The following SCFD1 variants were observed in gnomAD, a reference collection of about 807,000 sequenced individuals.
SCFD1 encodes sec1 family domain containing 1.
Under a neutral mutation model 103.2 loss-of-function variants are expected in SCFD1, and 37 were observed. The ratio of observed to expected loss-of-function variants is 0.36; its 90% CI spans 0.28 to 0.47. The LOEUF is 0.47. Ranked by LOEUF, SCFD1 falls within the 20% of genes least tolerant of loss-of-function variation. The probability of loss-of-function intolerance (pLI) is 1.00; values close to 1 mark genes in which losing one functional copy is unlikely to be tolerated. For missense variants in SCFD1, 639 were observed against 761.2 expected (o/e 0.84, Z 1.89); for synonymous variants, 264 against 245.0 (o/e 1.08, Z -0.73).
At chr14:30,662,836 C>T (rs1326039783) in intron 10 of SCFD1, among the ~76,000 whole-genome samples, 1 of 152,160 alleles carries the variant, frequency 6.6e-6, no homozygotes, top group East Asian at 1.9e-4. Flanking sequence ...CTGCTGAAGG[C>T]TTCTACATGT....
chr14:30,643,190 C>A (rs373553790), intron 6 of SCFD1, 126 bp from the exon 7 acceptor site: 5 of 736,976 alleles, frequency 6.8e-6, no homozygotes, highest in East Asian at 2.7e-5. Context: ...AAAATTTAAA[C>A]CAAAAAATTT....
intron 11 of SCFD1, among the ~76,000 whole-genome samples, chr14:30,671,137 A>G (rs1888501903): frequency 6.6e-6 from 1 of 152,136 alleles, no homozygotes. Context: ...GCTTATATTT[A>G]TTGTTTAAAG....
rs915754485 is a variant in SCFD1 at position 30,670,343 on chromosome 14, A to T, written c.943A>T (p.Lys315Ter). 1 of 1,593,608 alleles carries T rather than the reference A, an allele frequency of 6.3e-7. No homozygotes were observed. The highest frequency in any genetic ancestry group is 1.4e-5 in the African/African-American group (1 of 73,638). ...TGCTAGACCAAAGAGAAAAAACAAG[A>T]AGTCTTATGATTTAACTCCGGTTGA... ...AGARPKRKNK[K>*]SYDLTPVDKF... Residue 315 changes from lysine (K) to a stop codon, truncating the protein, a stop_gained, in exon 11 of 25, where the codon AAG (lysine) becomes TAG (stop). Coordinates refer to ENST00000458591, the MANE Select transcript of SCFD1 (RefSeq NM_016106.4). LOFTEE classifies it high-confidence loss of function.
Position 30,694,923 on chromosome 14 carries a change from A to G in SCFD1, c.1339+54A>G, listed in dbSNP as rs980414838. ...AAGTTTCATATCTGACGAAAGCAGC[A>G]TTTTCAATTGAGTAAACTTTGAATA... On this transcript the variant is annotated intron_variant, in intron 15 of 24. Transcript: ENST00000458591. 5.8e-6 allele frequency: 9 copies of G among 1,548,538 alleles called. No homozygotes were observed. The African/African-American group carries it at 1.1e-4, about 19-fold the overall frequency.
chr14:30,634,470 A>T (rs1449795745), intron 4 of SCFD1, among the ~76,000 whole-genome samples: 1 of 152,154 alleles, frequency 6.6e-6, no homozygotes, highest in Non-Finnish European at 1.5e-5. Context: ...TTTTATCATA[A>T]ATATGTATGT....
intron 16 of SCFD1, among the ~76,000 whole-genome samples, chr14:30,700,627 T>A (rs1452443807): frequency 1.3e-5 from 2 of 152,034 alleles, no homozygotes. Context: ...TGAGCCAAGA[T>A]CATGCCACTG....
chr14:30,695,241 A>G (rs1890611559), intron 15 of SCFD1, among the ~76,000 whole-genome samples: 1 of 152,216 alleles, frequency 6.6e-6, no homozygotes, highest in South Asian at 2.1e-4. Flanking sequence ...ATTTCCTGAA[A>G]AGATGTATCT....
intron 17 of SCFD1, 110 bp from the exon 18 acceptor site, chr14:30,705,713 A>G: frequency 4.0e-6 from 3 of 755,746 alleles, no homozygotes; most frequent in Non-Finnish European, 4.5e-6. Context: ...CTCTTTTCAG[A>G]AAATGTCTGC....
intron 1 of SCFD1, among the ~76,000 whole-genome samples, chr14:30,623,614 A>G (rs1356101876): frequency 6.6e-6 from 1 of 152,246 alleles, no homozygotes; most frequent in African/African-American, 2.4e-5. Context: ...ATATTAAAAT[A>G]ACGTGTCAGT....
rs185529126 is a variant in SCFD1, at chr14:30,735,509, G to A, written c.1906-77G>A. The A allele has an allele frequency of 1.0e-2, 9,435 of 945,158 alleles. 74 individuals are homozygous for A. The highest frequency in any genetic ancestry group is 0.025 in the Middle Eastern group (87 of 3,412). 58.5% of individuals were successfully genotyped at this position (945,158 alleles called of 1,614,324 possible). A position where few individuals can be genotyped will look rare whatever the true frequency, so the allele number is the denominator to read the frequency against. On this transcript the variant is annotated intron_variant, in intron 24 of 24. Coordinates refer to ENST00000458591, the MANE Select transcript of SCFD1 (RefSeq NM_016106.4). ...AAATAGGAAGTGTAATTTATTAAGG[G>A]GTTTACAAATATGTTTGAATGTTTC... is the stretch of plus-strand genomic sequence containing the variant.
At chr14:30,684,592 T>C in intron 14 of SCFD1, among the ~76,000 whole-genome samples, 1 of 152,034 alleles carries the variant, frequency 6.6e-6, no homozygotes, top group East Asian at 1.9e-4. Context: ...TTAATGAGAT[T>C]CCTCCCATAG....
chr14:30,702,230 A>G, intron 16 of SCFD1, 66 bp from the exon 17 acceptor site: 6 of 1,061,158 alleles, frequency 5.7e-6, no homozygotes, highest in Non-Finnish European at 7.0e-6. Flanking sequence ...AATTAATCAA[A>G]TGGCAACAAA....
rs147086004 is a variant in SCFD1, at chr14:30,650,154, C to T, written c.670-411C>T. Among the ~76,000 whole-genome samples the T allele has an allele frequency of 7.2e-5, 11 of 152,234 alleles. No individual in the cohort carries two copies. The East Asian group carries it at 2.1e-3, about 29-fold the overall frequency. On this transcript the variant is annotated intron_variant, in intron 8 of 24. Coordinates refer to ENST00000458591, the MANE Select transcript of SCFD1 (RefSeq NM_016106.4). ...GAAGACTGCCTTCTTTCATATATTCCATTTCTCTTCTGAGGCTTCTTGTAC... is the reference window on the plus strand; with the variant it reads ...GAAGACTGCCTTCTTTCATATATTCTATTTCTCTTCTGAGGCTTCTTGTAC...
At chr14:30,691,713 G>A (rs1177105465) in intron 14 of SCFD1, among the ~76,000 whole-genome samples, 1 of 152,014 alleles carries the variant, frequency 6.6e-6, no homozygotes, top group African/African-American at 2.4e-5. Flanking sequence ...AAGCATTTTT[G>A]TCACCTCAAA....
chr14:30,671,032 G>A (rs911457029), intron 11 of SCFD1, among the ~76,000 whole-genome samples: 1 of 151,872 alleles, frequency 6.6e-6, no homozygotes, highest in African/African-American at 2.4e-5. Flanking sequence ...ATTCCTCAGA[G>A]AAAAAGAATA....
At chr14:30,672,689 C>T (rs942638846) in intron 11 of SCFD1, among the ~76,000 whole-genome samples, 1 of 152,182 alleles carries the variant, frequency 6.6e-6, no homozygotes, top group African/African-American at 2.4e-5. Flanking sequence ...TACTGCTAAA[C>T]CACAATGTCC....
intron 23 of SCFD1, among the ~76,000 whole-genome samples, chr14:30,731,648 CTGTT>C (rs1489817110): frequency 5.9e-5 from 9 of 152,134 alleles, no homozygotes; most frequent in African/African-American, 2.4e-5. Flanking sequence ...ATTTGGCTCT[CTGTT>C]TGTCTATTAT....
At chr14:30,626,264 G>A (rs1202849558) in intron 1 of SCFD1, among the ~76,000 whole-genome samples, 2 of 152,072 alleles carry the variant, frequency 1.3e-5, no homozygotes, top group Admixed American at 6.6e-5. Context: ...ATTTTTGGCT[G>A]GACATTAGGT....
chr14:30,645,243 T>C (rs1399271523), intron 7 of SCFD1, among the ~76,000 whole-genome samples: 1 of 152,216 alleles, frequency 6.6e-6, no homozygotes, highest in Non-Finnish European at 1.5e-5. Context: ...AGCCGTGTAG[T>C]AGTATACTTC....
Sources: gnomAD v4.1 joint callset for allele counts (sites outside exome capture counted in the v4.1 genomes callset) on GRCh38, gnomAD v4.1.1 for gene constraint, MANE v1.5 for transcripts, NCBI Gene and HGNC (gene_info 2026-07-23, HGNC 2026-07-21) for gene names.